Variants in CTNNBL1 observed in about 807,000 individuals in gnomAD.
CTNNBL1 encodes catenin beta like 1.
A neutral mutation model predicts 72.7 loss-of-function variants in CTNNBL1; 31 were observed. The ratio of observed to expected loss-of-function variants is 0.43; its 90% confidence interval spans 0.32 to 0.58. CTNNBL1 has a LOEUF of 0.58. Ranked by LOEUF, CTNNBL1 falls within the 20% of genes least tolerant of loss-of-function variation. The pLI, the probability that CTNNBL1 is intolerant of heterozygous loss-of-function variation, is 0.08. For missense variants in CTNNBL1, 534 were observed against 725.1 expected (o/e 0.74, Z 3.03); for synonymous variants, 240 against 267.3 (o/e 0.90, Z 1.00).
chr20:37,725,521 C>G (rs1212943463), intron 1 of CTNNBL1, among the ~76,000 whole-genome samples: 1 of 98,596 alleles, frequency 1.0e-5, no homozygotes, highest in African/African-American at 4.1e-5. Context: ...GTCTCGAACT[C>G]CTAAACTCAG....
At chr20:37,862,241 C>G (rs751376843) in intron 15 of CTNNBL1, among the ~76,000 whole-genome samples, 1 of 152,098 alleles carries the variant, frequency 6.6e-6, no homozygotes, top group Admixed American at 6.5e-5. Context: ...TAAGGTGTAG[C>G]TGTGGTGATT....
At chr20:37,756,603 C>CTTTCT (rs1246810139) in intron 4 of CTNNBL1, among the ~76,000 whole-genome samples, 3 of 148,046 alleles carry the variant, frequency 2.0e-5, no homozygotes, top group Admixed American at 1.3e-4. Flanking sequence ...TTATACTTCC[C>CTTTCT]TTTCTTTTCT....
chr20:37,858,912 C>T (rs113505047), intron 13 of CTNNBL1, among the ~76,000 whole-genome samples: 2,974 of 152,090 alleles, frequency 0.02, 50 homozygotes, highest in Middle Eastern at 0.068. Flanking sequence ...GGCATATGTA[C>T]GCAAGTTGGG....
chr20:37,840,017 C>G (rs1300975784), intron 11 of CTNNBL1, 85 bp from the exon 12 acceptor site: 1 of 944,492 alleles, frequency 1.1e-6, no homozygotes, highest in Non-Finnish European at 1.7e-6. Context: ...TTATTCTGCC[C>G]TCAATAGAAC....
chr20:37,705,426 T>G (rs1259395504), intron 1 of CTNNBL1, among the ~76,000 whole-genome samples: 1 of 152,212 alleles, frequency 6.6e-6, no homozygotes, highest in Non-Finnish European at 1.5e-5. Flanking sequence ...GTTATTTATC[T>G]CATTACTAAC....
chr20:37,842,505 G>C (rs1336512474), intron 13 of CTNNBL1, 86 bp downstream of exon 13: 2 of 887,854 alleles, frequency 2.3e-6, no homozygotes, highest in Non-Finnish European at 3.8e-6. Context: ...CCACAGGATA[G>C]GTAAGGGCAG....
intron 11 of CTNNBL1, among the ~76,000 whole-genome samples, chr20:37,812,871 A>G (rs1356404831): frequency 6.6e-6 from 1 of 152,210 alleles, no homozygotes; most frequent in Non-Finnish European, 1.5e-5. Context: ...GCGCTGTGGG[A>G]GCACAGGAGG....
intron 6 of CTNNBL1, among the ~76,000 whole-genome samples, chr20:37,767,646 C>T (rs1256483039): frequency 6.6e-6 from 1 of 152,176 alleles, no homozygotes; most frequent in African/African-American, 2.4e-5. Context: ...CTGGGTGGGA[C>T]TTCTTAGGTA....
rs1054987756 is a variant in CTNNBL1 at position 37,749,009 on chromosome 20, T to C, written c.466+2402T>C. ...TCAGTTCACCTACAGAAGGGTAGAT[T>C]TCAGAATCTGATCAGACCTTAGAGA... On this transcript the variant is annotated intron_variant, in intron 4 of 15. Transcript: ENST00000361383. Among the ~76,000 whole-genome samples, 6 of 152,202 alleles carry C rather than the reference T, an allele frequency of 3.9e-5. No homozygotes were observed. In the East Asian group the frequency reaches 5.8e-4, roughly 15 times the overall value.
chr20:37,738,062 C>A (rs1437632558), intron 3 of CTNNBL1, among the ~76,000 whole-genome samples: 1 of 152,198 alleles, frequency 6.6e-6, no homozygotes, highest in Non-Finnish European at 1.5e-5. Flanking sequence ...TGTAAGCTAG[C>A]CCTTTTCAAG....
intron 5 of CTNNBL1, among the ~76,000 whole-genome samples, chr20:37,760,652 G>A (rs1190881642): frequency 2.0e-5 from 3 of 152,208 alleles, no homozygotes; most frequent in Non-Finnish European, 2.9e-5. Context: ...GTAAAATGGA[G>A]ATAACAGTAG....
rs566514778 is a variant in CTNNBL1 at position 37,840,741 on chromosome 20, A to G, written c.1311+542A>G. ...CCCTAAATGGGCTATGGAAGCTGGG[A>G]ACTCAATTACATGAAATTAGATGGA... On this transcript the variant is annotated intron_variant, in intron 12 of 15. Transcript: ENST00000361383. Among the ~76,000 whole-genome samples the G allele has an allele frequency of 5.9e-5, 9 of 152,398 alleles. No individual in the cohort carries two copies. In the South Asian group the frequency reaches 1.9e-3, roughly 32 times the overall value.
intron 1 of CTNNBL1, among the ~76,000 whole-genome samples, chr20:37,728,085 C>G (rs1484839268): frequency 6.6e-6 from 1 of 152,134 alleles, no homozygotes; most frequent in East Asian, 1.9e-4. Context: ...TAGCTTGTAT[C>G]AGGGAGCTGG....
In CTNNBL1 at chr20:37,788,662, C is replaced by G. The variant is rs139750551; in HGVS notation, c.1031+9327C>G. 2.3e-3 allele frequency among the ~76,000 whole-genome samples: 347 copies of G among 152,352 alleles called. 2 individuals are homozygous for G. The highest frequency in any genetic ancestry group is 3.7e-3 in the South Asian group (18 of 4,826). On this transcript the variant is annotated intron_variant, in intron 10 of 15. Transcript: ENST00000361383. ...CAGAACAGAAGCTGCATAAGCTCCC[C>G]AAATGAGCTTATTCTCCTTTGCCTT...
intron 11 of CTNNBL1, among the ~76,000 whole-genome samples, chr20:37,812,808 A>T (rs1027691268): frequency 1.3e-5 from 2 of 152,246 alleles, no homozygotes; most frequent in African/African-American, 4.8e-5. Context: ...AGGGAGACAG[A>T]CACAGAAACC....
chr20:37,761,210 G>GGCTGGGTGGTGTA (rs1470599730), intron 5 of CTNNBL1, among the ~76,000 whole-genome samples: 106 of 152,332 alleles, frequency 7.0e-4, no homozygotes, highest in Middle Eastern at 3.4e-3. Context: ...ATGGAAGTGT[G>GGCTGGGTGGTGTA]GCTGGGTGGT....
chr20:37,821,818 C>A (rs149237506), intron 11 of CTNNBL1, among the ~76,000 whole-genome samples: 292 of 152,222 alleles, frequency 1.9e-3, no homozygotes, highest in Non-Finnish European at 3.5e-3. Context: ...GTAGAGTGTT[C>A]AGCAGCATCC....
At chr20:37,734,376 T>C (rs1444154094) in intron 2 of CTNNBL1, among the ~76,000 whole-genome samples, 1 of 152,188 alleles carries the variant, frequency 6.6e-6, no homozygotes, top group Non-Finnish European at 1.5e-5. Context: ...AGACAAACAG[T>C]GTGTGTAGCA....
intron 3 of CTNNBL1, among the ~76,000 whole-genome samples, chr20:37,741,164 G>A (rs918922044): frequency 6.6e-6 from 1 of 152,166 alleles, no homozygotes; most frequent in Non-Finnish European, 1.5e-5. Flanking sequence ...TTAATATGTT[G>A]CTCTATTGCT....
Sources: gnomAD v4.1 joint callset for allele counts (sites outside exome capture counted in the v4.1 genomes callset) on GRCh38, gnomAD v4.1.1 for gene constraint, MANE v1.5 for transcripts, NCBI Gene and HGNC (gene_info 2026-07-23, HGNC 2026-07-21) for gene names.